PHF20L1: variants seen among roughly 807,000 people sequenced by gnomAD.
The protein encoded by PHF20L1 is PHD finger protein 20 like 1, also known as PHD finger protein 20-like protein 1.
PHF20L1 carries 44 observed loss-of-function variants against 125.5 expected under a neutral mutation model. The ratio of observed to expected loss-of-function variants is 0.35; its 90% CI spans 0.28 to 0.45. PHF20L1 has a LOEUF of 0.45. PHF20L1 is among the 20% of genes least tolerant of loss of function. The pLI, the probability that PHF20L1 is intolerant of heterozygous loss-of-function variation, is 1.00. For synonymous variants in PHF20L1, 380 were observed against 403.1 expected (o/e 0.94, Z 0.69); for missense variants, 1,012 against 1,217.2 (o/e 0.83, Z 2.51).
At chr8:132,837,659 A>G in intron 16 of PHF20L1, 53 bp from the exon 17 acceptor site, 2 of 1,386,764 alleles carry the variant, frequency 1.4e-6, no homozygotes, top group South Asian at 1.2e-5. Flanking sequence ...CCTTATTCCT[A>G]GCTTATTCCT....
At chr8:132,813,913 C>T (rs1005450246) in intron 9 of PHF20L1, among the ~76,000 whole-genome samples, 1 of 151,376 alleles carries the variant, frequency 6.6e-6, no homozygotes, top group Non-Finnish European at 1.5e-5. Flanking sequence ...GGTAAAAACT[C>T]TCATCTAAGA....
At chr8:132,791,012 T>G (rs1437775451) in intron 2 of PHF20L1, among the ~76,000 whole-genome samples, 4 of 152,198 alleles carry the variant, frequency 2.6e-5, no homozygotes, top group Non-Finnish European at 5.9e-5. Context: ...TAGTCTTGGT[T>G]TTTAATACTG....
chr8:132,839,621 G>GTT, intron 18 of PHF20L1, 39 bp downstream of exon 18: 1 of 1,469,398 alleles, frequency 6.8e-7, no homozygotes, highest in Non-Finnish European at 9.5e-7. Context: ...ACACTTCAGT[G>GTT]GACGTTTTAA....
At chr8:132,792,527 A>G (rs150283287) in intron 2 of PHF20L1, among the ~76,000 whole-genome samples, 1 of 152,302 alleles carries the variant, frequency 6.6e-6, no homozygotes, top group East Asian at 1.9e-4. Flanking sequence ...ACAAGGCTAT[A>G]ATTGGGTCAA....
rs375619922 is a variant in PHF20L1, at chr8:132,842,554, C to T, written c.2427C>T (p.Ser809=). 5.5e-5 allele frequency: 89 copies of T among 1,610,066 alleles called. No homozygotes were observed. Among genetic ancestry groups the T allele is most frequent in the Admixed American group, 3.2e-4 (19 of 59,428 alleles). ...CTGACCTTCATCTCTGGGCTTGTTC[C>T]GGGAAGCGAAAAGACCAAGATCAAA... The part of the protein sequence containing the change: ...HHPDLHLWAC[S]GKRKDQDQII... Residue 809 remains serine, a synonymous_variant, in exon 19 of 21, where the codon TCC becomes TCT. Coordinates refer to ENST00000395386, the MANE Select transcript of PHF20L1 (RefSeq NM_016018.5).
At chr8:132,823,580 A>G (rs778309751) in intron 12 of PHF20L1, among the ~76,000 whole-genome samples, 3 of 152,000 alleles carry the variant, frequency 2.0e-5, no homozygotes, top group Admixed American at 1.3e-4. Context: ...ACCCTACCAC[A>G]AAGGAGAAAA....
intron 13 of PHF20L1, 30 bp from the exon 14 acceptor site, chr8:132,825,234 A>G: frequency 6.3e-7 from 1 of 1,592,282 alleles, no homozygotes; most frequent in Non-Finnish European, 8.6e-7. Flanking sequence ...ATCAGTCGTG[A>G]TTGCTAAAGT....
At chr8:132,790,398 G>T (rs1046931866) in intron 2 of PHF20L1, among the ~76,000 whole-genome samples, 1 of 152,096 alleles carries the variant, frequency 6.6e-6, no homozygotes, top group Non-Finnish European at 1.5e-5. Flanking sequence ...TCGATATTAC[G>T]ATTTTTTTCC....
intron 13 of PHF20L1, chr8:132,824,882 T>C: frequency 2.7e-6 from 1 of 376,500 alleles, no homozygotes; most frequent in Non-Finnish European, 4.3e-6. Flanking sequence ...TTTTTAAATC[T>C]CCTAATTTAT....
At chr8:132,788,776 C>G (rs1831343894) in intron 2 of PHF20L1, 1 of 151,942 alleles carries the variant, frequency 6.6e-6, no homozygotes, top group African/African-American at 2.4e-5. Flanking sequence ...AGCTGCATGC[C>G]CACCATTGCT....
At chr8:132,822,146 A>G (rs1290423151) in intron 12 of PHF20L1, among the ~76,000 whole-genome samples, 1 of 151,896 alleles carries the variant, frequency 6.6e-6, no homozygotes, top group East Asian at 1.9e-4. Flanking sequence ...TTTATCATTT[A>G]TGAAATCGAA....
intron 14 of PHF20L1, among the ~76,000 whole-genome samples, chr8:132,828,191 C>T (rs549892767): frequency 1.3e-5 from 2 of 151,904 alleles, no homozygotes; most frequent in East Asian, 3.9e-4. Flanking sequence ...TTTTATTTAC[C>T]ACTCAACATT....
In PHF20L1 at chr8:132,777,784, C is replaced by T. The variant is rs777044989; in HGVS notation, c.-37-8C>T. On this transcript the variant is annotated splice_region_variant and splice_polypyrimidine_tract_variant and intron_variant, in intron 1 of 20. Transcript: ENST00000395386. Reference sequence around the variant, plus strand: ...GCATTGGAATCTAACTTTTTTCTTTCTCTTGAGGTAGTGAAAAGAGAATAC... The same window carrying T: ...GCATTGGAATCTAACTTTTTTCTTTTTCTTGAGGTAGTGAAAAGAGAATAC... The T allele has an allele frequency of 2.4e-6, 3 of 1,265,032 alleles. No homozygotes were observed. The highest frequency in any genetic ancestry group is 2.4e-5 in the South Asian group (2 of 82,446). 78.4% of individuals were successfully genotyped at this position (1,265,032 alleles called of 1,614,324 possible). A position where few individuals can be genotyped will look rare whatever the true frequency, so the allele number is the denominator to read the frequency against.
rs1830188379 is a variant in PHF20L1 at position 132,779,466 on chromosome 8, T to C, written c.83+1555T>C. On this transcript the variant is annotated intron_variant, in intron 2 of 20. Transcript: ENST00000395386. ...ACTGAATGTCTGTGTGATACAAGGG[T>C]ATAAGAAATAATACTTGTTACTTCT... is the stretch of plus-strand genomic sequence containing the variant. Among the ~76,000 whole-genome samples, 3 of 152,236 alleles carry C rather than the reference T, an allele frequency of 2.0e-5. No homozygotes were observed. In the South Asian group the frequency reaches 6.2e-4, roughly 32 times the overall value.
At chr8:132,827,705 T>A (rs904390456) in intron 14 of PHF20L1, among the ~76,000 whole-genome samples, 1 of 152,010 alleles carries the variant, frequency 6.6e-6, no homozygotes, top group Non-Finnish European at 1.5e-5. Context: ...CACCTTAGAA[T>A]TGTGACCAGC....
chr8:132,807,857 C>G (rs1327699636), intron 8 of PHF20L1: 3 of 427,684 alleles, frequency 7.0e-6, no homozygotes, highest in Non-Finnish European at 1.4e-5. Flanking sequence ...CAGTGTAATG[C>G]ATTCTTATTG....
intron 15 of PHF20L1, 167 bp from the exon 16 acceptor site, chr8:132,836,371 CTT>C (rs1837360865): frequency 2.0e-6 from 1 of 499,932 alleles, no homozygotes; most frequent in Non-Finnish European, 3.5e-6. Context: ...CTTCAAAAAT[CTT>C]TTGTTTCCAT....
chr8:132,830,906 C>CT (rs1055816080), intron 14 of PHF20L1, among the ~76,000 whole-genome samples: 1 of 152,054 alleles, frequency 6.6e-6, no homozygotes, highest in Non-Finnish European at 1.5e-5. Context: ...CTTTTGTTGC[C>CT]TTGTTGCTCA....
chr8:132,826,851 T>C (rs968048777), intron 14 of PHF20L1: 2 of 152,182 alleles, frequency 1.3e-5, no homozygotes, highest in East Asian at 3.9e-4. Context: ...TACCCATTTT[T>C]TTCATATTTA....
Sources: gnomAD v4.1 joint callset for allele counts (sites outside exome capture counted in the v4.1 genomes callset) on GRCh38, gnomAD v4.1.1 for gene constraint, MANE v1.5 for transcripts, NCBI Gene and HGNC (gene_info 2026-07-23, HGNC 2026-07-21) for gene names.